The following SLC4A10 variants were observed in gnomAD, a reference collection of about 807,000 sequenced individuals.
SLC4A10 encodes sodium-driven chloride bicarbonate exchanger.
A neutral mutation model predicts 137.7 loss-of-function variants in SLC4A10; 42 were observed. That is an observed-to-expected ratio of 0.30 (90% CI 0.24 to 0.39). The LOEUF is 0.39. Among genes scored for constraint, SLC4A10 ranks in the 10% least tolerant of loss-of-function variants. SLC4A10 has a pLI of 1.00. For missense variants in SLC4A10, 925 were observed against 1,355.0 expected, an observed-to-expected ratio of 0.68 and a Z score of 4.98; for synonymous variants, 474 against 464.1, an observed-to-expected ratio of 1.02 and a Z score of -0.27.
intron 1 of SLC4A10, among the ~76,000 whole-genome samples, chr2:161,750,635 T>A (rs917035309): frequency 6.6e-6 from 1 of 151,878 alleles, no homozygotes; most frequent in African/African-American, 2.4e-5. Context: ...TAAGACTTGT[T>A]TTGTGACCTA....
chr2:161,872,230 C>A, intron 6 of SLC4A10, 63 bp from the exon 7 acceptor site: 1 of 1,272,062 alleles, frequency 7.9e-7, no homozygotes, highest in African/African-American at 1.5e-5. Flanking sequence ...GTGCCTATTT[C>A]ACTCAGTATG....
chr2:161,755,221 T>A (rs891681577), intron 1 of SLC4A10, among the ~76,000 whole-genome samples: 4 of 152,214 alleles, frequency 2.6e-5, no homozygotes, highest in Non-Finnish European at 4.4e-5. Flanking sequence ...TCTTCTTTGC[T>A]GTCATTATGG....
At chr2:161,866,367 AATCTC>A (rs2125904952) in intron 6 of SLC4A10, among the ~76,000 whole-genome samples, 1 of 152,058 alleles carries the variant, frequency 6.6e-6, no homozygotes, top group South Asian at 2.1e-4. Flanking sequence ...ATAATTTGTC[AATCTC>A]ATCTCTAAAC....
chr2:161,667,608 T>C (rs1310372905), intron 1 of SLC4A10, among the ~76,000 whole-genome samples: 1 of 151,792 alleles, frequency 6.6e-6, no homozygotes, highest in South Asian at 2.1e-4. Flanking sequence ...TTTTATAACA[T>C]TGATAAAAAT....
At chr2:161,791,378 A>T (rs898014934) in intron 2 of SLC4A10, among the ~76,000 whole-genome samples, 5 of 152,208 alleles carry the variant, frequency 3.3e-5, no homozygotes, top group African/African-American at 1.2e-4. Context: ...AGAAAACTAA[A>T]TACCACATAT....
chr2:161,819,332 G>C (rs2057409778), intron 3 of SLC4A10, among the ~76,000 whole-genome samples: 1 of 151,990 alleles, frequency 6.6e-6, no homozygotes, highest in Non-Finnish European at 1.5e-5. Context: ...GTGATGTTTT[G>C]CTCATACAAA....
chr2:161,736,419 G>T (rs1286250057), intron 1 of SLC4A10, among the ~76,000 whole-genome samples: 1 of 152,126 alleles, frequency 6.6e-6, no homozygotes, highest in Non-Finnish European at 1.5e-5. Context: ...CACTGCTATG[G>T]AGAAAAATCT....
chr2:161,805,527 CT>C (rs1443400387), intron 3 of SLC4A10, among the ~76,000 whole-genome samples: 3 of 152,184 alleles, frequency 2.0e-5, no homozygotes, highest in African/African-American at 7.2e-5. Flanking sequence ...CTAGATACAA[CT>C]GGGGTAAAGG....
At chr2:161,762,789 T>C (rs941392566) in intron 1 of SLC4A10, among the ~76,000 whole-genome samples, 1 of 152,076 alleles carries the variant, frequency 6.6e-6, no homozygotes, top group African/African-American at 2.4e-5. Flanking sequence ...AAATCAACCT[T>C]TGTTTTCTAT....
intron 1 of SLC4A10, among the ~76,000 whole-genome samples, chr2:161,675,361 T>C (rs2040172261): frequency 6.6e-6 from 1 of 152,212 alleles, no homozygotes; most frequent in Admixed American, 6.5e-5. Flanking sequence ...TCACATGGCA[T>C]CTGCCCAGCT....
At chr2:161,841,033 G>C (rs912563936) in intron 4 of SLC4A10, among the ~76,000 whole-genome samples, 1 of 152,032 alleles carries the variant, frequency 6.6e-6, no homozygotes, top group Non-Finnish European at 1.5e-5. Context: ...GAGATAGCAG[G>C]ACGTGCTTAA....
At chr2:161,872,927 T>C (rs1209268281) in intron 7 of SLC4A10, among the ~76,000 whole-genome samples, 1 of 152,112 alleles carries the variant, frequency 6.6e-6, no homozygotes, top group African/African-American at 2.4e-5. Context: ...TTGGACAGGC[T>C]GGTCTCGAAC....
intron 15 of SLC4A10, among the ~76,000 whole-genome samples, chr2:161,934,206 ATTATTGTTGACTGTAG>A (rs1575721995): frequency 1.3e-5 from 2 of 152,098 alleles, no homozygotes; most frequent in African/African-American, 4.8e-5. Context: ...TGTTCAATCC[ATTATTGTTGACTGTAG>A]TCACCCTGTT....
At chr2:161,883,142 T>C (rs1345279845) in intron 10 of SLC4A10, among the ~76,000 whole-genome samples, 4 of 152,176 alleles carry the variant, frequency 2.6e-5, no homozygotes, top group African/African-American at 9.6e-5. Flanking sequence ...TATGGAAATT[T>C]GTTGTTATTG....
At chr2:161,627,162 G>T (rs1441229225) in intron 1 of SLC4A10, among the ~76,000 whole-genome samples, 3 of 152,058 alleles carry the variant, frequency 2.0e-5, no homozygotes, top group Non-Finnish European at 4.4e-5. Flanking sequence ...TGTCAATGTT[G>T]CTGTAAAATG....
intron 1 of SLC4A10, among the ~76,000 whole-genome samples, chr2:161,641,685 C>T (rs1227196221): frequency 2.6e-5 from 4 of 151,936 alleles, no homozygotes; most frequent in Non-Finnish European, 4.4e-5. Context: ...GACATCAGTC[C>T]TCTTAGCCTG....
chr2:161,967,857 T>C (rs1228471459), intron 23 of SLC4A10, among the ~76,000 whole-genome samples: 1 of 152,120 alleles, frequency 6.6e-6, no homozygotes, highest in African/African-American at 2.4e-5. Flanking sequence ...CGAGAACCTA[T>C]CAATAACTTT....
At chr2:161,813,488 G>A (rs1300104039) in intron 3 of SLC4A10, among the ~76,000 whole-genome samples, 1 of 152,036 alleles carries the variant, frequency 6.6e-6, no homozygotes, top group African/African-American at 2.4e-5. Flanking sequence ...TGAGAGTGTA[G>A]GATATACTAA....
At chr2:161,957,316 G>A in intron 20 of SLC4A10, 76 bp downstream of exon 20, 1 of 1,488,778 alleles carries the variant, frequency 6.7e-7, no homozygotes, top group Middle Eastern at 2.1e-4. Context: ...TTGAATCTGA[G>A]CCATAAATTT....
Sources: gnomAD v4.1 joint callset for allele counts (sites outside exome capture counted in the v4.1 genomes callset) on GRCh38, gnomAD v4.1.1 for gene constraint, MANE v1.5 for transcripts, NCBI Gene and HGNC (gene_info 2026-07-23, HGNC 2026-07-21) for gene names.